C11orf65: variants seen among roughly 807,000 people sequenced by gnomAD.
C11orf65 encodes the protein chromosome 11 open reading frame 65.
C11orf65 carries 38 observed loss-of-function variants against 35.3 expected under a neutral mutation model. The observed-to-expected ratio is 1.08, with a 90% CI of 0.83 to 1.41. The LOEUF is 1.41. Ranked by LOEUF, C11orf65 falls within the 40% of genes most tolerant of loss-of-function variation. The probability of loss-of-function intolerance (pLI) is 0.00; values close to 1 mark genes in which losing one functional copy is unlikely to be tolerated. For missense variants in C11orf65, 370 were observed against 367.1 expected (o/e 1.01, Z -0.06); for synonymous variants, 105 against 114.4 (o/e 0.92, Z 0.53).
In C11orf65 at chr11:108,445,271, A is replaced by G. The variant is rs545107961; in HGVS notation, c.82-13433T>C. On this transcript the variant is annotated intron_variant, in intron 2 of 8. Transcript: ENST00000393084. Reference sequence around the variant, plus strand: ...TGAAGAGAGTAGTGGTTCTCCCAGCATGCAGCTGGAGATCTGAGAATGGGC... The same window carrying G: ...TGAAGAGAGTAGTGGTTCTCCCAGCGTGCAGCTGGAGATCTGAGAATGGGC... Among the ~76,000 whole-genome samples, 37 of 152,328 alleles carry G rather than the reference A, an allele frequency of 2.4e-4. No homozygotes were observed. The South Asian group carries it at 7.2e-3, about 30-fold the overall frequency.
rs151126233 is a variant in C11orf65 at position 108,405,880 on chromosome 11, T to C, written c.430-321A>G. Among the ~76,000 whole-genome samples, 449 of 152,354 alleles carry C rather than the reference T, an allele frequency of 2.9e-3. 1 individual carries two copies. The highest frequency in any genetic ancestry group is 0.01 in the African/African-American group (424 of 41,592). On this transcript the variant is annotated intron_variant, in intron 5 of 8. Coordinates refer to ENST00000393084, the MANE Select transcript of C11orf65 (RefSeq NM_152587.5). The stretch of plus-strand genomic sequence containing the variant: ...AGACCTGACCTACTCTTAGTGCTGA[T>C]GGCTTTTGATGACTCTAATCCTCAA...
intron 3 of C11orf65, among the ~76,000 whole-genome samples, chr11:108,407,386 A>G (rs2092561392): frequency 6.6e-6 from 1 of 151,812 alleles, no homozygotes. Flanking sequence ...ATCTCAGCTC[A>G]CTGCAGCCTT....
At chr11:108,362,990 CA>C (rs895050205) in intron 2 of C11orf65, among the ~76,000 whole-genome samples, 13 of 151,562 alleles carry the variant, frequency 8.6e-5, no homozygotes, top group Admixed American at 2.0e-4. Context: ...AACAAACAAA[CA>C]AAAAAAACAC....
At chr11:108,435,950 T>C (rs906402636) in intron 2 of C11orf65, among the ~76,000 whole-genome samples, 9 of 152,080 alleles carry the variant, frequency 5.9e-5, no homozygotes, top group Non-Finnish European at 1.3e-4. Flanking sequence ...TCAGCTGACT[T>C]TGACACAGGG....
intron 2 of C11orf65, among the ~76,000 whole-genome samples, chr11:108,440,713 A>G (rs2093138821): frequency 6.6e-6 from 1 of 152,172 alleles, no homozygotes; most frequent in Admixed American, 6.5e-5. Context: ...ATTTCAGGAC[A>G]CAGACTTGGA....
chr11:108,396,983 TATAAAC>T (rs2138496553), intron 6 of C11orf65, among the ~76,000 whole-genome samples: 1 of 152,138 alleles, frequency 6.6e-6, no homozygotes, highest in East Asian at 1.9e-4. Context: ...AAGATCACTT[TATAAAC>T]ATAATTTGTT....
chr11:108,425,790 G>A lies in C11orf65; in HGVS notation c.174+5956C>T, dbSNP rs530485567. Among the ~76,000 whole-genome samples, 222 of 152,144 alleles carry A rather than the reference G, an allele frequency of 1.5e-3. 1 individual carries two copies. Among genetic ancestry groups the A allele is most frequent in the Non-Finnish European group, 2.4e-3 (164 of 67,978 alleles). ...CGAATCTAGCAGCACATCAAAAAGC[G>A]TATCCACCACGATCAAGTCGGCTTC... is the stretch of plus-strand genomic sequence containing the variant. On this transcript the variant is annotated intron_variant, in intron 3 of 8. Transcript: ENST00000393084.
intron 7 of C11orf65, among the ~76,000 whole-genome samples, chr11:108,388,305 A>G (rs2092062538): frequency 6.6e-6 from 1 of 152,236 alleles, no homozygotes; most frequent in African/African-American, 2.4e-5. Context: ...AGAACATACC[A>G]GCAGTAATTG....
chr11:108,378,526 C>T (rs1172571537), downstream of C11orf65, among the ~76,000 whole-genome samples: 4 of 124,338 alleles, frequency 3.2e-5, no homozygotes, highest in Admixed American at 2.6e-4. Context: ...ACCATAAAAA[C>T]CCTAGAAGAA....
At chr11:108,378,469 C>T (rs1277749983), downstream of C11orf65, among the ~76,000 whole-genome samples, 1 of 133,380 alleles carries the variant, frequency 7.5e-6, no homozygotes, top group Non-Finnish European at 1.6e-5. Context: ...ACACCTTATA[C>T]AAAAATTAAT....
chr11:108,387,821 C>G (rs2092048502), intron 7 of C11orf65, among the ~76,000 whole-genome samples: 1 of 152,244 alleles, frequency 6.6e-6, no homozygotes, highest in Admixed American at 6.5e-5. Context: ...AGCCACTGCA[C>G]TTGGCCTATC....
chr11:108,339,632 T>C (rs2087271357), intron 2 of C11orf65, among the ~76,000 whole-genome samples: 1 of 152,146 alleles, frequency 6.6e-6, no homozygotes, highest in Non-Finnish European at 1.5e-5. Context: ...AATTCAGCTC[T>C]TTCTCCAACA....
At chr11:108,326,303 TAAC>T (rs781604140) in intron 6 of C11orf65, 6 of 1,523,566 alleles carry the variant, frequency 3.9e-6, no homozygotes, top group East Asian at 4.9e-5. Context: ...ATATTTTTAA[TAAC>T]AATTTTATTA....
chr11:108,340,580 C>T (rs1342156959), intron 2 of C11orf65, among the ~76,000 whole-genome samples: 1 of 152,222 alleles, frequency 6.6e-6, no homozygotes, highest in East Asian at 1.9e-4. Context: ...CCTACTTCTG[C>T]AGTCACATCT....
At chr11:108,318,522 T>C (rs561777282) in intron 6 of C11orf65, among the ~76,000 whole-genome samples, 1 of 152,034 alleles carries the variant, frequency 6.6e-6, no homozygotes, top group East Asian at 1.9e-4. Flanking sequence ...AAACTCCATC[T>C]CTACTAAAAA....
At chr11:108,330,068 T>C, downstream of C11orf65, 2 of 815,052 alleles carry the variant, frequency 2.5e-6, no homozygotes, top group Non-Finnish European at 4.0e-6. Context: ...AAAGTAAGTT[T>C]ATTCCCTTTA....
chr11:108,394,151 G>C (rs1349836204), intron 6 of C11orf65, among the ~76,000 whole-genome samples: 2 of 131,300 alleles, frequency 1.5e-5, no homozygotes, highest in Non-Finnish European at 3.1e-5. Flanking sequence ...CTGCACTCCA[G>C]CCTGGGCGAC....
chr11:108,443,565 T>C (rs115031405), intron 2 of C11orf65, among the ~76,000 whole-genome samples: 1,681 of 152,214 alleles, frequency 0.011, 28 homozygotes, highest in African/African-American at 0.038. Context: ...ATTGACCCCA[T>C]AGTTGGAAGC....
chr11:108,465,435 G>C (rs924272017), intron 1 of C11orf65, among the ~76,000 whole-genome samples: 1 of 152,130 alleles, frequency 6.6e-6, no homozygotes, highest in Non-Finnish European at 1.5e-5. Flanking sequence ...TTTCAAGAAA[G>C]AACATATTCA....
Sources: allele counts gnomAD v4.1 joint callset (sites outside exome capture counted in the v4.1 genomes callset), GRCh38; gene constraint gnomAD v4.1.1; transcripts MANE v1.5; gene names NCBI Gene and HGNC (gene_info 2026-07-23, HGNC 2026-07-21).